CADM1: variants seen among roughly 807,000 people sequenced by gnomAD.
The protein encoded by CADM1 is TSLC-1.
CADM1 carries 15 observed loss-of-function variants against 53.1 expected under a neutral mutation model. That is an observed-to-expected ratio of 0.28 (90% confidence interval 0.19 to 0.44). CADM1 has a LOEUF of 0.44. Among genes scored for constraint, CADM1 ranks in the 20% least tolerant of loss-of-function variants. The probability of loss-of-function intolerance (pLI) is 1.00; values close to 1 mark genes in which losing one functional copy is unlikely to be tolerated. For synonymous variants in CADM1, 281 were observed against 243.0 expected, an observed-to-expected ratio of 1.16 and a Z score of -1.45; for missense variants, 434 against 611.3, an observed-to-expected ratio of 0.71 and a Z score of 3.06.
intron 9 of CADM1, among the ~76,000 whole-genome samples, chr11:115,195,420 T>G (rs943604738): frequency 1.3e-5 from 2 of 152,248 alleles, no homozygotes; most frequent in Admixed American, 1.3e-4. Context: ...TATTTTTTCT[T>G]TTCCTTTTTA....
chr11:115,496,738 C>T (rs1348512570), intron 1 of CADM1, among the ~76,000 whole-genome samples: 1 of 151,978 alleles, frequency 6.6e-6, no homozygotes, highest in Non-Finnish European at 1.5e-5. Context: ...CTGATGTTTC[C>T]AGAGAATGTC....
At chr11:115,367,058 C>T (rs1946181475) in intron 1 of CADM1, among the ~76,000 whole-genome samples, 1 of 152,172 alleles carries the variant, frequency 6.6e-6, no homozygotes, top group South Asian at 2.1e-4. Flanking sequence ...GTCTTAATAA[C>T]TTATGTAAAG....
At position 115,214,729 on chromosome 11, in the gene CADM1, G is replaced by A. The variant is rs528617309; in HGVS notation, c.873C>T (p.Ala291=). 14 of 1,613,944 alleles carry A rather than the reference G, an allele frequency of 8.7e-6. No individual in the cohort carries two copies. The highest frequency in any genetic ancestry group is 2.2e-5 in the East Asian group (1 of 44,850). The part of the protein sequence containing the change: ...VRVDDEMPQH[A]VLSGPNLFIN... The stretch of plus-strand genomic sequence containing the variant: ...TGAACAGGTTGGGCCCAGACAGTAC[G>A]GCGTGTTGAGGCATTTCATCATCGA... Residue 291 remains alanine (A), a synonymous_variant, in exon 7 of 12, where the codon GCC becomes GCT. Coordinates refer to ENST00000331581, the MANE Select transcript of CADM1 (RefSeq NM_001301043.2).
At chr11:115,416,305 A>C (rs1329528114) in intron 1 of CADM1, among the ~76,000 whole-genome samples, 2 of 152,206 alleles carry the variant, frequency 1.3e-5, no homozygotes, top group Admixed American at 6.5e-5. Flanking sequence ...TCTTATATTA[A>C]ATCTCCAGAG....
intron 1 of CADM1, among the ~76,000 whole-genome samples, chr11:115,403,665 C>T (rs1207056084): frequency 1.3e-5 from 2 of 151,952 alleles, no homozygotes; most frequent in Non-Finnish European, 2.9e-5. Flanking sequence ...GGCGCTATCT[C>T]GGCTTACTGC....
At chr11:115,359,841 C>A (rs1945981344) in intron 1 of CADM1, among the ~76,000 whole-genome samples, 1 of 152,152 alleles carries the variant, frequency 6.6e-6, no homozygotes, top group Non-Finnish European at 1.5e-5. Context: ...AAGTTTGAGA[C>A]CTACGAAAAT....
rs1224432467 is a variant in CADM1 at position 115,175,645 on chromosome 11, A to G, written c.*829T>C. 1.7e-5 allele frequency: 17 copies of G among 985,642 alleles called. No homozygotes were observed. Among genetic ancestry groups the G allele is most frequent in the Non-Finnish European group, 2.0e-5 (17 of 830,022 alleles). 61.1% of individuals were successfully genotyped at this position (985,642 alleles called of 1,614,324 possible). A position where few individuals can be genotyped will look rare whatever the true frequency, so the allele number is the denominator to read the frequency against. On this transcript the variant is annotated 3_prime_UTR_variant, in exon 12 of 12. Transcript: ENST00000331581. ...AAAAGGAGGAGTCCTTTCTGCCCCA[A>G]ACCTTTCTGGACAGCGTAGGGTATC... is the stretch of plus-strand genomic sequence containing the variant.
intron 1 of CADM1, among the ~76,000 whole-genome samples, chr11:115,307,557 T>C (rs1944410389): frequency 1.3e-5 from 2 of 150,830 alleles, no homozygotes; most frequent in South Asian, 2.1e-4. Context: ...ATTACTAAAA[T>C]AGGCTAATGC....
chr11:115,353,874 G>A (rs1435234510), intron 1 of CADM1, among the ~76,000 whole-genome samples: 1 of 152,152 alleles, frequency 6.6e-6, no homozygotes, highest in Admixed American at 6.6e-5. Flanking sequence ...GGAACTAGGA[G>A]TATTCAATTT....
At chr11:115,206,759 T>TTC (rs1491128478) in intron 8 of CADM1, among the ~76,000 whole-genome samples, 1 of 90,108 alleles carries the variant, frequency 1.1e-5, no homozygotes, top group African/African-American at 5.1e-5. Flanking sequence ...TGTGGACTTC[T>TTC]TTTTTTTTTT....
intron 1 of CADM1, among the ~76,000 whole-genome samples, chr11:115,411,625 T>C (rs1367619532): frequency 6.6e-6 from 1 of 152,130 alleles, no homozygotes; most frequent in Non-Finnish European, 1.5e-5. Flanking sequence ...AAAGTACAAT[T>C]CTTTGTGGCC....
chr11:115,416,820 C>G (rs1947611619), intron 1 of CADM1, among the ~76,000 whole-genome samples: 1 of 151,926 alleles, frequency 6.6e-6, no homozygotes, highest in African/African-American at 2.4e-5. Context: ...AGAAAATGCT[C>G]TAAATAATAT....
intron 1 of CADM1, among the ~76,000 whole-genome samples, chr11:115,307,184 G>C (rs1004173191): frequency 6.6e-6 from 1 of 151,972 alleles, no homozygotes; most frequent in Non-Finnish European, 1.5e-5. Context: ...CCACATTGCA[G>C]AGATAGTTGT....
intron 1 of CADM1, among the ~76,000 whole-genome samples, chr11:115,246,005 A>G (rs1942396454): frequency 6.6e-6 from 1 of 152,244 alleles, no homozygotes. Flanking sequence ...GTTTGATGAA[A>G]GAATTTAGTT....
At chr11:115,404,521 T>C (rs1274671232) in intron 1 of CADM1, among the ~76,000 whole-genome samples, 1 of 148,536 alleles carries the variant, frequency 6.7e-6, no homozygotes, top group Admixed American at 6.7e-5. Flanking sequence ...GCTTTTTAAA[T>C]AAGCAAAAAG....
chr11:115,225,313 A>AAG (rs760240549), intron 5 of CADM1, among the ~76,000 whole-genome samples: 36 of 149,036 alleles, frequency 2.4e-4, no homozygotes, highest in Admixed American at 7.4e-4. Context: ...ATAATAAAAA[A>AAG]GGGGGGGGGA....
rs1368871636 is a variant in CADM1 at position 115,196,641 on chromosome 11, G to A, written c.1111+1765C>T. ...AAAAATCACAAAACAATCTCACACT[G>A]TTTTAAGAAAGTTTATGAATTTGTG... is the stretch of plus-strand genomic sequence containing the variant. On this transcript the variant is annotated intron_variant, in intron 9 of 11. Transcript: ENST00000331581. 3.6e-5 allele frequency among the ~76,000 whole-genome samples: 5 copies of A among 138,192 alleles called. No individual in the cohort carries two copies. The East Asian group carries it at 1.2e-3, about 32-fold the overall frequency. The allele number at this position is 138,192 out of a possible 152,430, so 90.7% of individuals were successfully genotyped here.
At chr11:115,477,782 TGCA>T (rs1217017530) in intron 1 of CADM1, among the ~76,000 whole-genome samples, 1 of 152,234 alleles carries the variant, frequency 6.6e-6, no homozygotes, top group African/African-American at 2.4e-5. Context: ...AGATTGCTGC[TGCA>T]GCTGGGGTCC....
chr11:115,377,038 A>C (rs1026909559), intron 1 of CADM1: 3 of 152,234 alleles, frequency 2.0e-5, no homozygotes, highest in Non-Finnish European at 4.4e-5. Flanking sequence ...TGACTAAAGA[A>C]AGGGCACTGC....
Sources: allele counts gnomAD v4.1 joint callset (sites outside exome capture counted in the v4.1 genomes callset), GRCh38; gene constraint gnomAD v4.1.1; transcripts MANE v1.5; gene names NCBI Gene and HGNC (gene_info 2026-07-23, HGNC 2026-07-21).